The following CCDC3 variants were observed in gnomAD, a reference collection of about 807,000 sequenced individuals.
The protein encoded by CCDC3 is coiled-coil domain containing 3.
In CCDC3, 24 loss-of-function variants were observed where a neutral mutation model predicts 21.4. The ratio of observed to expected loss-of-function variants is 1.12; its 90% confidence interval spans 0.81 to 1.58. The LOEUF is 1.58. Among genes scored for constraint, CCDC3 ranks in the 40% most tolerant of loss-of-function variants. CCDC3 has a pLI of 0.00. For missense variants in CCDC3, 425 were observed against 360.9 expected (o/e 1.18, Z -1.44); for synonymous variants, 186 against 166.0 (o/e 1.12, Z -0.93).
chr10:12,910,705 G>C (rs371685822), intron 2 of CCDC3, among the ~76,000 whole-genome samples: 1 of 150,628 alleles, frequency 6.6e-6, no homozygotes, highest in Non-Finnish European at 1.5e-5. Flanking sequence ...CACCTACCGA[G>C]TTCAAGCGAT....
chr10:12,904,465 T>TC (rs76372062), intron 2 of CCDC3, among the ~76,000 whole-genome samples: 4 of 4,964 alleles, frequency 8.1e-4, no homozygotes, highest in African/African-American at 1.1e-3. Flanking sequence ...CAAAAGCCAG[T>TC]CTTAAAAAAA....
intron 2 of CCDC3, among the ~76,000 whole-genome samples, chr10:12,900,013 A>G (rs1035012565): frequency 4.6e-5 from 7 of 152,160 alleles, no homozygotes; most frequent in African/African-American, 1.4e-4. Flanking sequence ...CTAATAGTGA[A>G]TAAGTCTCAA....
intron 5 of CCDC3, among the ~76,000 whole-genome samples, chr10:13,007,658 A>G (rs1334175598): frequency 6.6e-6 from 1 of 152,186 alleles, no homozygotes; most frequent in Non-Finnish European, 1.5e-5. Flanking sequence ...TGAAGCAATA[A>G]TGGAGCTACC....
chr10:13,097,288 C>A (rs1291058666), intron 3 of CCDC3, among the ~76,000 whole-genome samples: 1 of 152,160 alleles, frequency 6.6e-6, no homozygotes, highest in Non-Finnish European at 1.5e-5. Context: ...ATGATCCAGG[C>A]TAAGAAACAG....
rs530412520 is a variant in CCDC3 at position 13,037,303 on chromosome 10, T to A, written c.-2+12371A>T. On this transcript the variant is annotated intron_variant, in intron 5 of 6. Coordinates refer to the CCDC3 transcript ENST00000378839. ...CAAATCCAAGTTTTCAAGTTTTTTT[T>A]AAATTAAATACTTCATTGGGTAATT... 2.7e-3 allele frequency among the ~76,000 whole-genome samples: 407 copies of A among 152,332 alleles called. 2 individuals carry two copies. The highest frequency in any genetic ancestry group is 9.4e-3 in the African/African-American group (391 of 41,578).
At chr10:13,058,290 A>G in intron 4 of CCDC3, 1 of 1,365,770 alleles carries the variant, frequency 7.3e-7, no homozygotes, top group Non-Finnish European at 1.0e-6. Context: ...TCCACATCGT[A>G]TTCATCGCCA....
intron 2 of CCDC3, among the ~76,000 whole-genome samples, chr10:12,996,325 C>G (rs1835761207): frequency 6.6e-6 from 1 of 152,120 alleles, no homozygotes; most frequent in Non-Finnish European, 1.5e-5. Context: ...TAGGGCAGAG[C>G]TGAGGAATGT....
intron 2 of CCDC3, among the ~76,000 whole-genome samples, chr10:12,969,607 C>A (rs1835311470): frequency 6.6e-6 from 1 of 150,788 alleles, no homozygotes; most frequent in Non-Finnish European, 1.5e-5. Context: ...TGTTTATTGA[C>A]AGATGAATGG....
At chr10:13,053,361 G>C (rs1342720693) in intron 4 of CCDC3, among the ~76,000 whole-genome samples, 2 of 151,868 alleles carry the variant, frequency 1.3e-5, no homozygotes, top group African/African-American at 2.4e-5. Context: ...TTGAGACCAG[G>C]AGTTCAAGAC....
At chr10:13,038,731 T>A (rs1224784356) in intron 5 of CCDC3, among the ~76,000 whole-genome samples, 2 of 152,148 alleles carry the variant, frequency 1.3e-5, no homozygotes, top group African/African-American at 2.4e-5. Flanking sequence ...AAGGACGGTG[T>A]TTGTGTAGCA....
intron 2 of CCDC3, among the ~76,000 whole-genome samples, chr10:12,984,812 T>C (rs1240057192): frequency 6.6e-6 from 1 of 152,060 alleles, no homozygotes. Flanking sequence ...TCTTACACAA[T>C]AGTGTAAGAT....
intron 2 of CCDC3, among the ~76,000 whole-genome samples, chr10:12,905,120 T>G (rs545282220): frequency 1.3e-5 from 2 of 152,108 alleles, no homozygotes; most frequent in South Asian, 2.1e-4. Context: ...CACAGACAAA[T>G]AGCTTGCTTT....
At chr10:12,982,310 C>T (rs825421) in intron 2 of CCDC3, among the ~76,000 whole-genome samples, 4,627 of 151,758 alleles carry the variant, frequency 0.03, 228 homozygotes, top group African/African-American at 0.11. Context: ...CTCACAGAAA[C>T]AGAAAGAATG....
chr10:12,963,809 T>C (rs530536231), intron 2 of CCDC3, among the ~76,000 whole-genome samples: 1 of 152,136 alleles, frequency 6.6e-6, no homozygotes, highest in South Asian at 2.1e-4. Flanking sequence ...CTCAAACTCC[T>C]GACCTGAAAG....
chr10:13,031,182 T>A (rs1195502160), intron 5 of CCDC3, among the ~76,000 whole-genome samples: 1 of 152,150 alleles, frequency 6.6e-6, no homozygotes, highest in Admixed American at 6.6e-5. Flanking sequence ...GAACTCAGGA[T>A]TAAGAAGCTC....
chr10:13,044,694 A>C (rs10796008), intron 5 of CCDC3, among the ~76,000 whole-genome samples: 19,007 of 152,132 alleles, frequency 0.12, 1,441 homozygotes, highest in Middle Eastern at 0.2. Context: ...ATTCGGTTCC[A>C]TTGGTCTATG....
chr10:13,028,924 C>A (rs541383672), intron 5 of CCDC3, among the ~76,000 whole-genome samples: 85 of 152,282 alleles, frequency 5.6e-4, no homozygotes, highest in Admixed American at 1.6e-3. Context: ...CCCTGCCACA[C>A]CATAGCACCT....
At chr10:13,004,868 G>A (rs1835907546), upstream of CCDC3, among the ~76,000 whole-genome samples, 1 of 151,972 alleles carries the variant, frequency 6.6e-6, no homozygotes, top group South Asian at 2.1e-4. Context: ...TACATCAATT[G>A]CCCACCTAAT....
chr10:12,923,521 CCCA>C (rs79562140), intron 2 of CCDC3, among the ~76,000 whole-genome samples: 8,008 of 152,232 alleles, frequency 0.053, 236 homozygotes, highest in Non-Finnish European at 0.071. Context: ...CTGCCTGAAA[CCCA>C]CCACCTCTGG....
Sources: gnomAD v4.1 joint callset for allele counts (sites outside exome capture counted in the v4.1 genomes callset) on GRCh38, gnomAD v4.1.1 for gene constraint, MANE v1.5 for transcripts, NCBI Gene and HGNC (gene_info 2026-07-23, HGNC 2026-07-21) for gene names.